Variants in HS3ST3A1 observed in about 807,000 individuals in gnomAD.
The protein encoded by HS3ST3A1 is heparan sulfate-glucosamine 3-sulfotransferase 3A1, also known as heparan sulfate glucosamine 3-O-sulfotransferase 3A1.
In HS3ST3A1, 19 loss-of-function variants were observed where a neutral mutation model predicts 25.7. The ratio of observed to expected loss-of-function variants is 0.74; its 90% CI spans 0.52 to 1.08. The LOEUF (loss-of-function observed/expected upper bound fraction) is 1.08. Among genes scored for constraint, HS3ST3A1 ranks in the 50% least tolerant of loss-of-function variants. The probability of loss-of-function intolerance (pLI) is 0.00; values close to 1 mark genes in which losing one functional copy is unlikely to be tolerated. For missense variants in HS3ST3A1, 459 were observed against 594.3 expected, an observed-to-expected ratio of 0.77 and a Z score of 2.37; for synonymous variants, 226 against 278.6, an observed-to-expected ratio of 0.81 and a Z score of 1.88.
In HS3ST3A1 at chr17:13,495,333, A is replaced by G. The variant is rs1055866127; in HGVS notation, c.*864T>C. On this transcript the variant is annotated 3_prime_UTR_variant, in exon 2 of 2. Transcript: ENST00000284110. ...GTGTACTTTAAATAGCCAAGAGGCA[A>G]GACTGGCTCTTAAGAGAGGTTGTGT... Among the ~76,000 whole-genome samples the G allele has an allele frequency of 2.0e-5, 3 of 152,200 alleles. No homozygotes were observed. Among genetic ancestry groups the G allele is most frequent in the Non-Finnish European group, 4.4e-5 (3 of 68,028 alleles).
intron 1 of HS3ST3A1, among the ~76,000 whole-genome samples, chr17:13,535,540 G>C (rs958061149): frequency 5.3e-5 from 8 of 152,138 alleles, no homozygotes; most frequent in African/African-American, 1.9e-4. Flanking sequence ...GCCCACAAAT[G>C]ACTGTGAAAG....
At chr17:13,575,682 G>A (rs902319978) in intron 1 of HS3ST3A1, among the ~76,000 whole-genome samples, 6 of 152,202 alleles carry the variant, frequency 3.9e-5, no homozygotes, top group African/African-American at 1.4e-4. Flanking sequence ...AATTGTATTG[G>A]AAAATAATGA....
chr17:13,600,780 G>A lies in HS3ST3A1; in HGVS notation c.350C>T (p.Ser117Phe). ...GCCCGGACCCCCTGACAGGCCAGGG[G>A]ACTCTTCTTCCCAGGCCGCCTCCTC... is the stretch of plus-strand genomic sequence containing the variant. The part of the protein sequence containing the change: ...DGEEAAWEEE[S>F]PGLSGGPGGS... The change falls in exon 1 of 2, where the codon TCC (serine) becomes TTC (phenylalanine). Residue 117 changes from serine (S) to phenylalanine (F), a missense_variant. Physicochemically the swap from Ser to Phe is radical, Grantham distance 155 (BLOSUM62 -2). Coordinates refer to ENST00000284110, the MANE Select transcript of HS3ST3A1 (RefSeq NM_006042.3). 6.8e-7 allele frequency: 1 copy of A among 1,474,320 alleles called. No homozygotes were observed. The highest frequency in any genetic ancestry group is 8.9e-7 in the Non-Finnish European group (1 of 1,123,414). The allele number at this position is 1,474,320 out of a possible 1,614,324, so 91.3% of individuals were successfully genotyped here. A position where few individuals can be genotyped will look rare whatever the true frequency, so the allele number is the denominator to read the frequency against.
chr17:13,556,797 A>G (rs28585481), intron 1 of HS3ST3A1, among the ~76,000 whole-genome samples: 52,469 of 149,426 alleles, frequency 0.35, 11,724 homozygotes, highest in African/African-American at 0.64. Context: ...GGTTGCAGGG[A>G]GCAGAGATCG....
chr17:13,521,017 C>T (rs1906217923), intron 1 of HS3ST3A1, among the ~76,000 whole-genome samples: 1 of 152,188 alleles, frequency 6.6e-6, no homozygotes, highest in Non-Finnish European at 1.5e-5. Flanking sequence ...TTTCCAAATT[C>T]TCTATGGTTT....
Position 13,516,179 on chromosome 17 carries a change from A to T in HS3ST3A1, c.600-19361T>A, listed in dbSNP as rs557987133. On this transcript the variant is annotated intron_variant, in intron 1 of 1. Transcript: ENST00000284110. ...CAAACAATGAGCCAGGCATGGTGGC[A>T]CGTGCCTGTAATCCCAGCTACTCGG... is the stretch of plus-strand genomic sequence containing the variant. Among the ~76,000 whole-genome samples the T allele has an allele frequency of 4.0e-4, 61 of 152,204 alleles. No individual in the cohort carries two copies. The South Asian group carries it at 0.012, about 30-fold the overall frequency.
At chr17:13,568,739 G>A (rs903233742) in intron 1 of HS3ST3A1, among the ~76,000 whole-genome samples, 2 of 152,044 alleles carry the variant, frequency 1.3e-5, no homozygotes, top group Admixed American at 6.6e-5. Flanking sequence ...AATTGTGGTC[G>A]TTCATTCTGG....
At chr17:13,538,434 C>T (rs1018492337) in intron 1 of HS3ST3A1, among the ~76,000 whole-genome samples, 2 of 152,164 alleles carry the variant, frequency 1.3e-5, no homozygotes, top group South Asian at 2.1e-4. Flanking sequence ...CCGCTTACCC[C>T]GGTTACCCAA....
At chr17:13,573,166 T>A (rs192864770) in intron 1 of HS3ST3A1, among the ~76,000 whole-genome samples, 49 of 152,278 alleles carry the variant, frequency 3.2e-4, no homozygotes, top group African/African-American at 1.0e-3. Flanking sequence ...TAAAATGACC[T>A]TTCCCCAACC....
chr17:13,517,068 A>G (rs990045746), intron 1 of HS3ST3A1, among the ~76,000 whole-genome samples: 1 of 152,224 alleles, frequency 6.6e-6, no homozygotes, highest in Non-Finnish European at 1.5e-5. Context: ...AAAGTGTGGA[A>G]ATGAGCATAC....
At chr17:13,576,626 CTT>C (rs1000595800) in intron 1 of HS3ST3A1, among the ~76,000 whole-genome samples, 5 of 152,298 alleles carry the variant, frequency 3.3e-5, no homozygotes, top group Admixed American at 6.5e-5. Context: ...GAGTATATGA[CTT>C]TGTGGACATA....
At chr17:13,521,394 G>A (rs537194392) in intron 1 of HS3ST3A1, among the ~76,000 whole-genome samples, 4 of 152,252 alleles carry the variant, frequency 2.6e-5, no homozygotes, top group South Asian at 2.1e-4. Flanking sequence ...TCTCACTACC[G>A]GGTTTTGAAG....
chr17:13,588,526 T>A (rs1323234241), intron 1 of HS3ST3A1, among the ~76,000 whole-genome samples: 1 of 152,212 alleles, frequency 6.6e-6, no homozygotes, highest in Non-Finnish European at 1.5e-5. Flanking sequence ...TTTTTTCTAT[T>A]GGGATCCACT....
At position 13,494,146 on chromosome 17, in the gene HS3ST3A1, C is replaced by T. The variant is rs1321532065; in HGVS notation, c.*2051G>A. On this transcript the variant is annotated 3_prime_UTR_variant, in exon 2 of 2. Transcript: ENST00000284110. The stretch of plus-strand genomic sequence containing the variant: ...TTGCATAATGCCAAGCAAACACTTA[C>T]AAAAGAATCAGTTGTACAAACAAAA... 1.3e-5 allele frequency among the ~76,000 whole-genome samples: 2 copies of T among 152,162 alleles called. No individual in the cohort carries two copies. Among genetic ancestry groups the T allele is most frequent in the Non-Finnish European group, 2.9e-5 (2 of 68,040 alleles).
intron 1 of HS3ST3A1, among the ~76,000 whole-genome samples, chr17:13,555,244 TC>T (rs1376475233): frequency 6.6e-6 from 1 of 152,162 alleles, no homozygotes; most frequent in Non-Finnish European, 1.5e-5. Flanking sequence ...AGGAAGTCTT[TC>T]GCAAACCCTT....
At chr17:13,599,070 G>A (rs1908653940) in intron 1 of HS3ST3A1, among the ~76,000 whole-genome samples, 1 of 152,098 alleles carries the variant, frequency 6.6e-6, no homozygotes, top group South Asian at 2.1e-4. Context: ...AAAAAACAGA[G>A]CTGCCTTTGT....
chr17:13,561,998 G>A (rs1476162781), intron 1 of HS3ST3A1, among the ~76,000 whole-genome samples: 1 of 152,134 alleles, frequency 6.6e-6, no homozygotes, highest in Admixed American at 6.5e-5. Context: ...AGCTGGGGAA[G>A]AAACCTGTAA....
chr17:13,523,171 T>C lies in HS3ST3A1; in HGVS notation c.600-26353A>G, dbSNP rs75586745. 5.1e-3 allele frequency among the ~76,000 whole-genome samples: 777 copies of C among 152,304 alleles called. 8 individuals carry two copies. Among genetic ancestry groups the C allele is most frequent in the African/African-American group, 0.018 (738 of 41,562 alleles). On this transcript the variant is annotated intron_variant, in intron 1 of 1. Transcript: ENST00000284110. ...AAGCTAAAGACAAAGTGAAGCTTTC[T>C]CTATTTTTTTCTTAAATATTTCCTT...
chr17:13,595,438 A>G (rs927526317), intron 1 of HS3ST3A1, among the ~76,000 whole-genome samples: 1 of 152,210 alleles, frequency 6.6e-6, no homozygotes, highest in African/African-American at 2.4e-5. Flanking sequence ...TTCACTATAT[A>G]AATATCCCCC....
Sources: allele counts gnomAD v4.1 joint callset (sites outside exome capture counted in the v4.1 genomes callset), GRCh38; gene constraint gnomAD v4.1.1; transcripts MANE v1.5; gene names NCBI Gene and HGNC (gene_info 2026-07-23, HGNC 2026-07-21).